BCAR3: variants seen among roughly 807,000 people sequenced by gnomAD.
The protein encoded by BCAR3 is breast cancer anti-estrogen resistance protein 3.
A neutral mutation model predicts 80.1 loss-of-function variants in BCAR3; 37 were observed. The observed-to-expected ratio is 0.46, with a 90% confidence interval of 0.36 to 0.61. The LOEUF is 0.61. Among genes scored for constraint, BCAR3 ranks in the 20% least tolerant of loss-of-function variants. The pLI is 0.00. For synonymous variants in BCAR3, 389 were observed against 418.9 expected, an observed-to-expected ratio of 0.93 and a Z score of 0.87; for missense variants, 978 against 1,068.2, an observed-to-expected ratio of 0.92 and a Z score of 1.18.
intron 2 of BCAR3, among the ~76,000 whole-genome samples, chr1:93,763,980 A>G (rs1047511862): frequency 1.3e-5 from 2 of 152,206 alleles, no homozygotes; most frequent in African/African-American, 4.8e-5. Context: ...CCACTTGTCA[A>G]GGATGGACTA....
At chr1:93,640,893 G>A (rs1028411862) in intron 3 of BCAR3, among the ~76,000 whole-genome samples, 13 of 152,214 alleles carry the variant, frequency 8.5e-5, no homozygotes, top group African/African-American at 1.7e-4. Context: ...CTGAAACAAG[G>A]CATGGAGTGA....
At chr1:93,744,355 A>C (rs1651282392) in intron 2 of BCAR3, among the ~76,000 whole-genome samples, 1 of 152,216 alleles carries the variant, frequency 6.6e-6, no homozygotes, top group African/African-American at 2.4e-5. Context: ...AAATACCCAT[A>C]AAATGAGCCT....
At chr1:93,751,050 A>C (rs1651540479) in intron 2 of BCAR3, among the ~76,000 whole-genome samples, 1 of 152,216 alleles carries the variant, frequency 6.6e-6, no homozygotes, top group Admixed American at 6.5e-5. Context: ...TAACCAAGAA[A>C]CACCACCAAA....
upstream of BCAR3, chr1:93,847,874 A>G (rs931810301): frequency 4.9e-6 from 1 of 205,712 alleles, no homozygotes; most frequent in Non-Finnish European, 9.8e-6. Flanking sequence ...CCGACTGGGC[A>G]GTCGATGTAG....
At chr1:93,642,441 T>C in intron 2 of BCAR3, 98 bp from the exon 3 acceptor site, 1 of 1,225,486 alleles carries the variant, frequency 8.2e-7, no homozygotes, top group Non-Finnish European at 1.2e-6. Flanking sequence ...TTCACTAAGT[T>C]ACTAAGCTGG....
chr1:93,590,537 A>G (rs1674127895), intron 4 of BCAR3, among the ~76,000 whole-genome samples: 1 of 152,246 alleles, frequency 6.6e-6, no homozygotes, highest in African/African-American at 2.4e-5. Context: ...GCAAGTAGTA[A>G]ACGAATGTAA....
At chr1:93,831,511 A>G (rs922980105) in intron 2 of BCAR3, among the ~76,000 whole-genome samples, 5 of 152,192 alleles carry the variant, frequency 3.3e-5, no homozygotes, top group Non-Finnish European at 2.9e-5. Context: ...AAAATGGGCA[A>G]ATGGTCTGAG....
chr1:93,713,244 A>G (rs1333992882), intron 2 of BCAR3, among the ~76,000 whole-genome samples: 1 of 152,146 alleles, frequency 6.6e-6, no homozygotes, highest in Non-Finnish European at 1.5e-5. Context: ...GCAGTTTGTT[A>G]TTGGAGGGAG....
intron 5 of BCAR3, among the ~76,000 whole-genome samples, chr1:93,584,792 C>T (rs574468112): frequency 3.3e-5 from 5 of 152,230 alleles, no homozygotes; most frequent in South Asian, 4.1e-4. Context: ...TCAACACACT[C>T]GCTGTTATTC....
intron 2 of BCAR3, among the ~76,000 whole-genome samples, chr1:93,760,778 C>T (rs974799262): frequency 6.6e-6 from 1 of 152,164 alleles, no homozygotes; most frequent in Admixed American, 6.5e-5. Context: ...TTCCCATGAC[C>T]TCTGGTAGAA....
At chr1:93,596,046 C>A (rs972056257) in intron 3 of BCAR3, among the ~76,000 whole-genome samples, 20 of 152,316 alleles carry the variant, frequency 1.3e-4, no homozygotes, top group African/African-American at 4.6e-4. Context: ...TAAGGTAACA[C>A]AACAGAGCCT....
At chr1:93,565,792 C>A (rs1370620583) in intron 11 of BCAR3, among the ~76,000 whole-genome samples, 4 of 152,212 alleles carry the variant, frequency 2.6e-5, no homozygotes, top group South Asian at 2.1e-4. Flanking sequence ...CTAAGTCCCA[C>A]ATCTGGTTCT....
intron 2 of BCAR3, among the ~76,000 whole-genome samples, chr1:93,668,414 CTG>C (rs1648027519): frequency 6.6e-6 from 1 of 152,212 alleles, no homozygotes; most frequent in Non-Finnish European, 1.5e-5. Flanking sequence ...GATGCAGGGG[CTG>C]AGCTCACCTC....
In BCAR3 at chr1:93,562,309, A is replaced by G. The variant is rs1475925155; in HGVS notation, c.2410T>C (p.Phe804Leu). 6.2e-7 allele frequency: 1 copy of G among 1,614,094 alleles called. No homozygotes were observed. The highest frequency in any genetic ancestry group is 1.3e-5 in the African/African-American group (1 of 75,050). ...GAGAGGGCAGTTAAAATCTGGTTGA[A>G]TTTCTCATATCTCTCTGTCTGATTG... is the stretch of plus-strand genomic sequence containing the variant. Reference protein sequence around the residue: ...QVNQTERYEKFNQILTALSRK... With the variant: ...QVNQTERYEKLNQILTALSRK... The change falls in exon 12 of 12, where the codon TTC (phenylalanine) becomes CTC (leucine). Residue 804 changes from phenylalanine (F) to leucine (L), a missense_variant. Transcript: ENST00000260502.
At chr1:93,754,753 G>A (rs962155991) in intron 2 of BCAR3, among the ~76,000 whole-genome samples, 1 of 152,166 alleles carries the variant, frequency 6.6e-6, no homozygotes, top group African/African-American at 2.4e-5. Context: ...CAATTATGTA[G>A]AGTACTCCAT....
At chr1:93,730,586 C>T (rs1440961256) in intron 2 of BCAR3, among the ~76,000 whole-genome samples, 1 of 152,234 alleles carries the variant, frequency 6.6e-6, no homozygotes, top group East Asian at 1.9e-4. Flanking sequence ...ATCGCTTTCC[C>T]TCATACCAAG....
chr1:93,629,907 T>C (rs1379650206), intron 3 of BCAR3, among the ~76,000 whole-genome samples: 1 of 152,248 alleles, frequency 6.6e-6, no homozygotes, highest in Admixed American at 6.5e-5. Context: ...GAAGGTAGAC[T>C]GAGGTTAGGT....
intron 2 of BCAR3, among the ~76,000 whole-genome samples, chr1:93,811,037 C>A (rs1317240514): frequency 6.6e-6 from 1 of 152,068 alleles, no homozygotes; most frequent in Non-Finnish European, 1.5e-5. Flanking sequence ...GTAACAGAAT[C>A]CCAATTTTAA....
chr1:93,588,941 G>A (rs554315169), intron 5 of BCAR3, 36 bp downstream of exon 5: 36 of 1,508,012 alleles, frequency 2.4e-5, no homozygotes, highest in South Asian at 2.7e-5. Context: ...GCACCCCGGC[G>A]CCCCTCATAG....
Sources: gnomAD v4.1 joint callset for allele counts (sites outside exome capture counted in the v4.1 genomes callset) on GRCh38, gnomAD v4.1.1 for gene constraint, MANE v1.5 for transcripts, NCBI Gene and HGNC (gene_info 2026-07-23, HGNC 2026-07-21) for gene names.